Variants in CEP83 observed in about 807,000 individuals in gnomAD.
CEP83 encodes centrosomal protein of 83 kDa.
Under a neutral mutation model 101.9 loss-of-function variants are expected in CEP83, and 70 were observed. The observed-to-expected ratio is 0.69, with a 90% CI of 0.57 to 0.84. CEP83 has a LOEUF of 0.84. CEP83 is among the 40% of genes least tolerant of loss of function. CEP83 has a pLI of 0.00. For synonymous variants in CEP83, 264 were observed against 267.9 expected, an observed-to-expected ratio of 0.99 and a Z score of 0.14; for missense variants, 715 against 787.2, an observed-to-expected ratio of 0.91 and a Z score of 1.10.
intron 6 of CEP83, among the ~76,000 whole-genome samples, chr12:94,391,423 A>G (rs1160806767): frequency 6.6e-6 from 1 of 152,218 alleles, no homozygotes; most frequent in African/African-American, 2.4e-5. Flanking sequence ...AGACAAGCAA[A>G]TGCTCAGAGA....
At chr12:94,344,048 G>A (rs2059823127) in intron 11 of CEP83, among the ~76,000 whole-genome samples, 1 of 152,184 alleles carries the variant, frequency 6.6e-6, no homozygotes, top group Non-Finnish European at 1.5e-5. Flanking sequence ...CTACCTGCAA[G>A]TCAAGAAGAG....
intron 11 of CEP83, among the ~76,000 whole-genome samples, chr12:94,356,616 T>C (rs2060490620): frequency 6.6e-6 from 1 of 152,372 alleles, no homozygotes; most frequent in Admixed American, 6.5e-5. Context: ...ATTACAGCTA[T>C]ATTTGAGCCT....
chr12:94,270,430 G>C, the CEP83 span, among the ~76,000 whole-genome samples: 2 of 152,170 alleles, frequency 1.3e-5, no homozygotes, highest in East Asian at 3.9e-4. Flanking sequence ...TTAATCTAGA[G>C]CTTGACATAG....
chr12:94,365,687 C>G (rs1391339190), intron 11 of CEP83, among the ~76,000 whole-genome samples: 1 of 151,486 alleles, frequency 6.6e-6, no homozygotes, highest in East Asian at 1.9e-4. Context: ...TCACTTGAAT[C>G]CCAGAGGCAG....
chr12:94,423,640 C>G, intron 2 of CEP83: 2 of 1,548,294 alleles, frequency 1.3e-6, no homozygotes, highest in South Asian at 2.4e-5. Flanking sequence ...TTAGCAGGGC[C>G]GACGGATGGT....
At chr12:94,300,918 T>C in the CEP83 span, 1 of 1,612,318 alleles carries the variant, frequency 6.2e-7, no homozygotes, top group Admixed American at 1.7e-5. Flanking sequence ...AGCCTTCCTC[T>C]TCGCTTCTGG....
intron 14 of CEP83, among the ~76,000 whole-genome samples, chr12:94,327,655 C>G (rs1849039838): frequency 6.6e-6 from 1 of 152,218 alleles, no homozygotes; most frequent in African/African-American, 2.4e-5. Context: ...CTTACATCTT[C>G]TCACAGCTAA....
intron 6 of CEP83, among the ~76,000 whole-genome samples, chr12:94,380,333 G>A (rs1470894879): frequency 6.6e-6 from 1 of 152,078 alleles, no homozygotes; most frequent in Admixed American, 6.5e-5. Flanking sequence ...GAATTTAAAT[G>A]CCAATGAGAA....
At position 94,308,727 on chromosome 12, in the gene CEP83, A is replaced by C; in HGVS notation, c.*86T>G. On this transcript the variant is annotated 3_prime_UTR_variant, in exon 17 of 17. Transcript: ENST00000397809. ...TTCAAGTGTTTTGGCAAACAGTAAA[A>C]AGTATCTAAATGCCACAGGTTAAAA... 1 of 889,006 alleles carries C rather than the reference A, an allele frequency of 1.1e-6. No homozygotes were observed. The highest frequency in any genetic ancestry group is 1.4e-5 in the South Asian group (1 of 69,756). The allele number at this position is 889,006 out of a possible 1,614,324, so 55.1% of individuals were successfully genotyped here.
intron 11 of CEP83, among the ~76,000 whole-genome samples, chr12:94,362,210 A>G (rs935034814): frequency 1.8e-4 from 27 of 152,220 alleles, no homozygotes; most frequent in Admixed American, 1.8e-3. Flanking sequence ...AATGCCTGTC[A>G]AAAAGACAAA....
chr12:94,290,629 C>T, the CEP83 span, among the ~76,000 whole-genome samples: 3 of 152,356 alleles, frequency 2.0e-5, no homozygotes, highest in South Asian at 6.2e-4. Flanking sequence ...CTGGCTCTTG[C>T]TCTGTGTTCC....
chr12:94,440,571 G>C (rs957800244), intron 1 of CEP83, among the ~76,000 whole-genome samples: 4 of 150,526 alleles, frequency 2.7e-5, no homozygotes, highest in African/African-American at 9.8e-5. Flanking sequence ...TATCCCATGC[G>C]CATGGATGGG....
At chr12:94,399,063 T>G (rs2063087125) in intron 6 of CEP83, among the ~76,000 whole-genome samples, 1 of 152,226 alleles carries the variant, frequency 6.6e-6, no homozygotes, top group Admixed American at 6.5e-5. Context: ...TAATTCTGCT[T>G]TTGCCCTTTG....
intron 6 of CEP83, among the ~76,000 whole-genome samples, chr12:94,382,156 A>T (rs1444989408): frequency 6.6e-6 from 1 of 151,996 alleles, no homozygotes. Context: ...AGAGTTGTTC[A>T]AAGGATTATC....
At chr12:94,300,531 A>C in the CEP83 span, among the ~76,000 whole-genome samples, 1 of 152,198 alleles carries the variant, frequency 6.6e-6, no homozygotes, top group Non-Finnish European at 1.5e-5. Context: ...GGAGAGCCTC[A>C]GAGGGTTGGA....
intron 11 of CEP83, among the ~76,000 whole-genome samples, chr12:94,361,961 A>G (rs926225608): frequency 1.3e-5 from 2 of 152,154 alleles, no homozygotes; most frequent in African/African-American, 4.8e-5. Flanking sequence ...TTGGCCTCTC[A>G]AAGTGCTGGG....
At chr12:94,422,223 A>G (rs1437309953) in intron 2 of CEP83, among the ~76,000 whole-genome samples, 5 of 152,192 alleles carry the variant, frequency 3.3e-5, no homozygotes, top group East Asian at 3.9e-4. Flanking sequence ...GTTCCAGCCA[A>G]TGGAAACTGG....
intron 2 of CEP83, among the ~76,000 whole-genome samples, chr12:94,423,005 A>G (rs1325850266): frequency 6.6e-6 from 1 of 152,156 alleles, no homozygotes; most frequent in Non-Finnish European, 1.5e-5. Flanking sequence ...GCAGGTTTAT[A>G]TTTAACTTTG....
At chr12:94,416,281 C>T (rs1020257330) in intron 2 of CEP83, among the ~76,000 whole-genome samples, 3 of 152,046 alleles carry the variant, frequency 2.0e-5, no homozygotes, top group Non-Finnish European at 4.4e-5. Flanking sequence ...ATATGACAAA[C>T]GTAAGACTCT....
Sources: allele counts gnomAD v4.1 joint callset (sites outside exome capture counted in the v4.1 genomes callset), GRCh38; gene constraint gnomAD v4.1.1; transcripts MANE v1.5; gene names NCBI Gene and HGNC (gene_info 2026-07-23, HGNC 2026-07-21).